SUPT3H: variants seen among roughly 807,000 people sequenced by gnomAD.
The protein encoded by SUPT3H is SPT3 homolog, SAGA and STAGA complex component, also known as transcription initiation protein SPT3 homolog.
In SUPT3H, 44 loss-of-function variants were observed where a neutral mutation model predicts 44.3. The observed-to-expected ratio is 0.99, with a 90% CI of 0.78 to 1.28. SUPT3H has a LOEUF of 1.28. Among genes scored for constraint, SUPT3H ranks in the 50% most tolerant of loss-of-function variants. The pLI is 0.00. For synonymous variants in SUPT3H, 124 were observed against 125.6 expected, an observed-to-expected ratio of 0.99 and a Z score of 0.09; for missense variants, 380 against 387.1, an observed-to-expected ratio of 0.98 and a Z score of 0.15.
At chr6:45,068,503 G>C (rs1303250071) in intron 3 of SUPT3H, among the ~76,000 whole-genome samples, 1 of 152,036 alleles carries the variant, frequency 6.6e-6, no homozygotes, top group African/African-American at 2.4e-5. Context: ...GTAGAGATAA[G>C]GATAGGGGTA....
At chr6:45,043,634 A>G (rs1490896704) in intron 3 of SUPT3H, among the ~76,000 whole-genome samples, 2 of 152,208 alleles carry the variant, frequency 1.3e-5, no homozygotes, top group African/African-American at 4.8e-5. Context: ...AAACATGGAA[A>G]GCAAAAATGT....
intron 10 of SUPT3H, among the ~76,000 whole-genome samples, chr6:44,921,912 C>A (rs1057039644): frequency 6.6e-6 from 1 of 152,216 alleles, no homozygotes; most frequent in Non-Finnish European, 1.5e-5. Flanking sequence ...ACCTTGAATG[C>A]GCCTGGGCAA....
chr6:45,180,684 G>C (rs2153613005), intron 2 of SUPT3H, among the ~76,000 whole-genome samples: 1 of 152,176 alleles, frequency 6.6e-6, no homozygotes, highest in African/African-American at 2.4e-5. Context: ...GCTGAAACTG[G>C]ATCCCTTCCT....
Position 45,077,933 on chromosome 6 carries a change from A to C in SUPT3H, c.186+27989T>G, listed in dbSNP as rs536247872. 5.3e-5 allele frequency among the ~76,000 whole-genome samples: 8 copies of C among 152,000 alleles called. 1 individual carries two copies. In the South Asian group the frequency reaches 1.7e-3, roughly 32 times the overall value. Reference sequence around the variant, plus strand: ...TGAGCCAAAACTGAGGAATTGCTAAAAACAGAAATTAAACAAAATCAGATG... The same window carrying C: ...TGAGCCAAAACTGAGGAATTGCTAACAACAGAAATTAAACAAAATCAGATG... On this transcript the variant is annotated intron_variant, in intron 3 of 10. Coordinates refer to ENST00000371459, the MANE Select transcript of SUPT3H (RefSeq NM_003599.4).
intron 2 of SUPT3H, among the ~76,000 whole-genome samples, chr6:45,158,298 A>ATATATATATTTTTTTTTTTTTTT: frequency 2.0e-5 from 2 of 99,694 alleles, no homozygotes; most frequent in Admixed American, 1.3e-4. Flanking sequence ...ATATATATAT[A>ATATATATATTTTTTTTTTTTTTT]TTTTTTTTTT....
chr6:45,140,189 C>A (rs763282933), intron 2 of SUPT3H, among the ~76,000 whole-genome samples: 18 of 152,066 alleles, frequency 1.2e-4, no homozygotes, highest in Non-Finnish European at 2.1e-4. Flanking sequence ...ACCACCCCCT[C>A]CCCATCCTCC....
chr6:45,180,313 A>G (rs1812894786), intron 2 of SUPT3H, among the ~76,000 whole-genome samples: 1 of 149,166 alleles, frequency 6.7e-6, no homozygotes, highest in Non-Finnish European at 1.5e-5. Context: ...TATAGATTCA[A>G]TGCCATCCCC....
intron 5 of SUPT3H, among the ~76,000 whole-genome samples, chr6:45,008,437 C>T (rs919193012): frequency 9.2e-5 from 14 of 152,310 alleles, no homozygotes; most frequent in African/African-American, 3.4e-4. Context: ...ATACTGCAGC[C>T]TCTAACTCCT....
chr6:44,988,519 TAAAA>T (rs66489332), intron 6 of SUPT3H, among the ~76,000 whole-genome samples: 4,317 of 100,446 alleles, frequency 0.043, 64 homozygotes, highest in Middle Eastern at 0.067. Flanking sequence ...AAGGCTTAAA[TAAAA>T]AAAAAAAAAA....
At chr6:45,324,130 T>C (rs1584915646) in intron 2 of SUPT3H, among the ~76,000 whole-genome samples, 1 of 151,982 alleles carries the variant, frequency 6.6e-6, no homozygotes, top group South Asian at 2.1e-4. Context: ...ATTACAAAAA[T>C]GACAGCATTC....
intron 2 of SUPT3H, among the ~76,000 whole-genome samples, chr6:45,194,571 A>C (rs1815695378): frequency 6.6e-6 from 1 of 152,164 alleles, no homozygotes; most frequent in Non-Finnish European, 1.5e-5. Flanking sequence ...AAAATGATTT[A>C]TTTTCTAATG....
At chr6:44,848,132 A>T (rs1042680929) in intron 10 of SUPT3H, among the ~76,000 whole-genome samples, 12 of 148,610 alleles carry the variant, frequency 8.1e-5, no homozygotes, top group Non-Finnish European at 6.0e-5. Context: ...CACTCAGCTA[A>T]TTTTTTTTTG....
intron 3 of SUPT3H, among the ~76,000 whole-genome samples, chr6:45,080,246 G>C (rs1042249430): frequency 2.0e-5 from 3 of 152,050 alleles, no homozygotes; most frequent in Non-Finnish European, 2.9e-5. Flanking sequence ...AAATGAGGTA[G>C]TATCTCACCC....
chr6:45,227,797 T>G (rs1160156096), intron 2 of SUPT3H, among the ~76,000 whole-genome samples: 1 of 152,192 alleles, frequency 6.6e-6, no homozygotes, highest in Admixed American at 6.5e-5. Flanking sequence ...TATTCCTTAA[T>G]TTAACATTGT....
At chr6:44,920,680 A>G (rs1280674844) in intron 10 of SUPT3H, among the ~76,000 whole-genome samples, 1 of 152,176 alleles carries the variant, frequency 6.6e-6, no homozygotes, top group Non-Finnish European at 1.5e-5. Context: ...TTGGCAGAAC[A>G]GTTTGCTAAC....
chr6:45,145,328 C>G (rs1805870822), intron 2 of SUPT3H, among the ~76,000 whole-genome samples: 1 of 152,010 alleles, frequency 6.6e-6, no homozygotes, highest in African/African-American at 2.4e-5. Flanking sequence ...GCACATAGAG[C>G]AATAGAACAG....
chr6:45,229,958 A>C (rs1269855030), intron 2 of SUPT3H, among the ~76,000 whole-genome samples: 1 of 151,772 alleles, frequency 6.6e-6, no homozygotes, highest in Non-Finnish European at 1.5e-5. Flanking sequence ...CCCATAACCA[A>C]CCTCTATTCA....
chr6:44,882,362 A>G (rs1778385896), intron 10 of SUPT3H, among the ~76,000 whole-genome samples: 1 of 152,206 alleles, frequency 6.6e-6, no homozygotes, highest in Non-Finnish European at 1.5e-5. Flanking sequence ...GATTATATCA[A>G]TAACAAGTTC....
intron 2 of SUPT3H, among the ~76,000 whole-genome samples, chr6:45,129,896 G>A (rs1803157015): frequency 6.6e-6 from 1 of 151,940 alleles, no homozygotes; most frequent in Non-Finnish European, 1.5e-5. Context: ...AAATAGAAAT[G>A]AGTCAAAACA....
Sources: gnomAD v4.1 joint callset for allele counts (sites outside exome capture counted in the v4.1 genomes callset) on GRCh38, gnomAD v4.1.1 for gene constraint, MANE v1.5 for transcripts, NCBI Gene and HGNC (gene_info 2026-07-23, HGNC 2026-07-21) for gene names.